Variants in MAP2 observed in about 807,000 individuals in gnomAD.
MAP2 encodes microtubule-associated protein 2.
Under a neutral mutation model 137.6 loss-of-function variants are expected in MAP2, and 14 were observed. The observed-to-expected ratio is 0.10, with a 90% CI of 0.07 to 0.16. The LOEUF (loss-of-function observed/expected upper bound fraction) is 0.16. Ranked by LOEUF, MAP2 falls within the 10% of genes least tolerant of loss-of-function variation. The pLI, the probability that MAP2 is intolerant of heterozygous loss-of-function variation, is 1.00. For missense variants in MAP2, 2,088 were observed against 2,191.5 expected (o/e 0.95, Z 0.94); for synonymous variants, 786 against 782.3 (o/e 1.00, Z -0.08).
At chr2:209,555,287 T>A (rs528733725) in intron 2 of MAP2, among the ~76,000 whole-genome samples, 1 of 152,318 alleles carries the variant, frequency 6.6e-6, no homozygotes, top group African/African-American at 2.4e-5. Context: ...TTTATTACAC[T>A]TAAAAAATGC....
chr2:209,481,346 T>G lies in MAP2; in HGVS notation c.-221-26246T>G, dbSNP rs1177784162. Among the ~76,000 whole-genome samples the G allele has an allele frequency of 8.5e-5, 13 of 152,330 alleles. No individual in the cohort carries two copies. The East Asian group carries it at 2.5e-3, about 29-fold the overall frequency. ...CATTGATCCATCACTGGATGTGGGC[T>G]ACCCAGGTAAAGGAAGGCAATCTCT... is the stretch of plus-strand genomic sequence containing the variant. On this transcript the variant is annotated intron_variant, in intron 1 of 15. Coordinates refer to ENST00000682079, the MANE Select transcript of MAP2 (RefSeq NM_001375505.1).
At chr2:209,442,457 G>A (rs959687546) in intron 1 of MAP2, among the ~76,000 whole-genome samples, 1 of 151,566 alleles carries the variant, frequency 6.6e-6, no homozygotes, top group Non-Finnish European at 1.5e-5. Context: ...GTTAATGATT[G>A]AAATAGTAAG....
At chr2:209,680,521 G>A (rs2054088505) in intron 6 of MAP2, among the ~76,000 whole-genome samples, 2 of 151,936 alleles carry the variant, frequency 1.3e-5, no homozygotes, top group Admixed American at 1.3e-4. Flanking sequence ...TTCTAGAGAT[G>A]ATAAAATCAT....
In MAP2 at chr2:209,611,901, A is replaced by C. The variant is rs2087015198; in HGVS notation, c.-106-13152A>C. ...ATTTAACAAGCAGGGAGTATAAAGA[A>C]AAAACAAAATATTACAGTAAAGTAA... On this transcript the variant is annotated intron_variant, in intron 3 of 15. Transcript: ENST00000682079. Among the ~76,000 whole-genome samples, 3 of 152,174 alleles carry C rather than the reference A, an allele frequency of 2.0e-5. No homozygotes were observed. The South Asian group carries it at 6.2e-4, about 31-fold the overall frequency.
chr2:209,593,619 C>CAAA (rs781329429), intron 3 of MAP2, among the ~76,000 whole-genome samples: 145 of 2,922 alleles, frequency 0.05, 39 homozygotes, highest in South Asian at 0.15. Context: ...CCTGTCTCTA[C>CAAA]AAAAAAAAAA....
intron 3 of MAP2, among the ~76,000 whole-genome samples, chr2:209,601,045 G>A (rs548019728): frequency 8.9e-4 from 136 of 152,174 alleles, no homozygotes; most frequent in African/African-American, 2.6e-3. Flanking sequence ...TGCTCTGTAG[G>A]CACAGGTTTC....
intron 7 of MAP2, among the ~76,000 whole-genome samples, chr2:209,688,037 C>CCTTA (rs1376880943): frequency 6.6e-6 from 1 of 152,052 alleles, no homozygotes; most frequent in Non-Finnish European, 1.5e-5. Flanking sequence ...GTTAAGTGTG[C>CCTTA]CTTAATACAG....
intron 2 of MAP2, among the ~76,000 whole-genome samples, chr2:209,516,408 C>T (rs1322726749): frequency 6.6e-6 from 1 of 151,982 alleles, no homozygotes; most frequent in Admixed American, 6.6e-5. Context: ...TGGTACAATA[C>T]TAAGGTGCAA....
rs545060208 is a variant in MAP2 at position 209,720,290 on chromosome 2, A to T, written c.5074-5419A>T. 2.0e-5 allele frequency among the ~76,000 whole-genome samples: 3 copies of T among 152,250 alleles called. No individual in the cohort carries two copies. In the South Asian group the frequency reaches 6.2e-4, roughly 32 times the overall value. ...TACTATGAATTATGTAGAAAAAAAGATTGTCACACTCTTTCAAATTACACT... is the reference window on the plus strand; with the variant it reads ...TACTATGAATTATGTAGAAAAAAAGTTTGTCACACTCTTTCAAATTACACT... On this transcript the variant is annotated intron_variant, in intron 13 of 15. Coordinates refer to ENST00000682079, the MANE Select transcript of MAP2 (RefSeq NM_001375505.1).
chr2:209,571,260 T>C, intron 2 of MAP2, among the ~76,000 whole-genome samples: 1 of 151,922 alleles, frequency 6.6e-6, no homozygotes, highest in East Asian at 1.9e-4. Context: ...CAATTTTTAT[T>C]ATGAAGGTAC....
intron 2 of MAP2, among the ~76,000 whole-genome samples, chr2:209,570,845 T>C (rs2074278000): frequency 6.6e-6 from 1 of 151,930 alleles, no homozygotes; most frequent in Non-Finnish European, 1.5e-5. Flanking sequence ...GGTAATGGAT[T>C]TTTGTGAAAA....
At chr2:209,698,273 C>A (rs913390886) in intron 10 of MAP2, among the ~76,000 whole-genome samples, 1 of 152,118 alleles carries the variant, frequency 6.6e-6, no homozygotes, top group African/African-American at 2.4e-5. Flanking sequence ...GTAATGCCAA[C>A]TTTTTTCTAA....
chr2:209,690,299 C>T (rs1227513880), intron 7 of MAP2, among the ~76,000 whole-genome samples: 3 of 152,044 alleles, frequency 2.0e-5, no homozygotes, highest in Non-Finnish European at 2.9e-5. Flanking sequence ...AACTTACTGC[C>T]GTTTCCAATA....
Position 209,622,456 on chromosome 2 carries a change from A to G in MAP2, c.-106-2597A>G, listed in dbSNP as rs558832829. Reference sequence around the variant, plus strand: ...TTAAACTCTCTTGGCCTGTTTTCTCATTTGTAAAGTGGGGACAATAATAGA... The same window carrying G: ...TTAAACTCTCTTGGCCTGTTTTCTCGTTTGTAAAGTGGGGACAATAATAGA... On this transcript the variant is annotated intron_variant, in intron 3 of 15. Coordinates refer to ENST00000682079, the MANE Select transcript of MAP2 (RefSeq NM_001375505.1). 5.3e-5 allele frequency among the ~76,000 whole-genome samples: 8 copies of G among 152,284 alleles called. No homozygotes were observed. The South Asian group carries it at 1.7e-3, about 32-fold the overall frequency.
intron 5 of MAP2, among the ~76,000 whole-genome samples, chr2:209,676,911 G>A (rs1482831672): frequency 6.6e-6 from 1 of 150,670 alleles, no homozygotes; most frequent in Non-Finnish European, 1.5e-5. Flanking sequence ...ATATGTAAGC[G>A]GCAATTCTCA....
chr2:209,701,939 A>C (rs1193520382), intron 11 of MAP2, among the ~76,000 whole-genome samples: 1 of 152,064 alleles, frequency 6.6e-6, no homozygotes, highest in Non-Finnish European at 1.5e-5. Context: ...TTAATTTTCT[A>C]AAAATAAAGG....
In MAP2 at chr2:209,725,787, C is replaced by A. The variant is rs775587807; in HGVS notation, c.5152C>A (p.Pro1718Thr). Reference protein sequence around the residue: ...CGSLKNIRHRPGGGRVKIESV... With the variant: ...CGSLKNIRHRTGGGRVKIESV... ...CTCTCTGAAGAACATCCGCCACAGG[C>A]CAGGTAAATAAATAATTTTTAGTAG... is the stretch of plus-strand genomic sequence containing the variant. The change falls in exon 14 of 16, where the codon CCA becomes ACA. Residue 1718 changes from proline to threonine, a missense_variant. Around this residue, in one of 6 missense-constraint regions of MAP2, gnomAD observed 112 missense variants for 201.0 expected, o/e 0.56. Coordinates refer to ENST00000682079, the MANE Select transcript of MAP2 (RefSeq NM_001375505.1). The A allele has an allele frequency of 6.3e-7, 1 of 1,579,194 alleles. No individual in the cohort carries two copies. The highest frequency in any genetic ancestry group is 8.6e-7 in the Non-Finnish European group (1 of 1,162,478).
chr2:209,582,525 A>G (rs931988664), intron 3 of MAP2, among the ~76,000 whole-genome samples: 3 of 152,084 alleles, frequency 2.0e-5, no homozygotes, highest in Non-Finnish European at 4.4e-5. Context: ...TCTTTGGCCA[A>G]GATTTTGCTG....
rs1342795095 is a variant in MAP2, at chr2:209,594,523, TTC to T, written c.-107+14427_-107+14428del. 5.9e-5 allele frequency among the ~76,000 whole-genome samples: 9 copies of T among 152,254 alleles called. No individual in the cohort carries two copies. In the South Asian group the frequency reaches 1.4e-3, roughly 25 times the overall value. ...ACAAAACACGTTTCCCTGGTGTTTT[TTC>T]TCTTTCTGTCTCAGCCCGTCTGCAT... On this transcript the variant is annotated intron_variant, in intron 3 of 15. Transcript: ENST00000682079.
Sources: allele counts gnomAD v4.1 joint callset (sites outside exome capture counted in the v4.1 genomes callset), GRCh38; gene constraint gnomAD v4.1.1; regional missense constraint gnomAD v4.1.1; transcripts MANE v1.5; gene names NCBI Gene and HGNC (gene_info 2026-07-23, HGNC 2026-07-21).